The following TMTC1 variants were observed in gnomAD, a reference collection of about 807,000 sequenced individuals.
TMTC1 encodes transmembrane O-mannosyltransferase targeting cadherins 1.
Under a neutral mutation model 104.8 loss-of-function variants are expected in TMTC1, and 73 were observed. The ratio of observed to expected loss-of-function variants is 0.70; its 90% CI spans 0.58 to 0.85. The LOEUF (loss-of-function observed/expected upper bound fraction) is 0.85, where lower values mean the gene tolerates loss of function less well. Among genes scored for constraint, TMTC1 ranks in the 40% least tolerant of loss-of-function variants. The pLI is 0.00. For synonymous variants in TMTC1, 434 were observed against 428.7 expected (o/e 1.01, Z -0.15); for missense variants, 1,035 against 1,096.1 (o/e 0.94, Z 0.79).
chr12:29,631,198 T>TG (rs1938279618), intron 6 of TMTC1, among the ~76,000 whole-genome samples: 1 of 152,214 alleles, frequency 6.6e-6, no homozygotes, highest in Admixed American at 6.5e-5. Context: ...TCCCAATTTG[T>TG]GGCTTGCCTC....
intron 17 of TMTC1, among the ~76,000 whole-genome samples, chr12:29,508,174 G>C (rs1317208122): frequency 2.0e-5 from 3 of 152,186 alleles, no homozygotes; most frequent in Non-Finnish European, 4.4e-5. Flanking sequence ...GGAAATGACA[G>C]CACAAGAAAT....
intron 5 of TMTC1, among the ~76,000 whole-genome samples, chr12:29,750,200 C>T (rs1175879201): frequency 1.3e-5 from 2 of 152,060 alleles, no homozygotes; most frequent in African/African-American, 2.4e-5. Context: ...CTCACCCCTT[C>T]TCCTCCCAAT....
intron 8 of TMTC1, among the ~76,000 whole-genome samples, chr12:29,574,563 G>C (rs1945769416): frequency 6.6e-6 from 1 of 152,208 alleles, no homozygotes; most frequent in South Asian, 2.1e-4. Flanking sequence ...GAGGCTAGAA[G>C]TTCAAGATCA....
At chr12:29,529,665 C>G (rs1944445071) in intron 11 of TMTC1, among the ~76,000 whole-genome samples, 1 of 152,166 alleles carries the variant, frequency 6.6e-6, no homozygotes, top group African/African-American at 2.4e-5. Context: ...TTTTCTCACC[C>G]TCTTCTTTGC....
Position 29,506,505 on chromosome 12 carries a change from C to CA in TMTC1, c.*340dup, listed in dbSNP as rs1297694226. Reference sequence around the variant, plus strand: ...ATTTCAAGCTTCTGTATTTCTGGGACAAAAAATGTCTAAACAGAATTAGAT... The same window carrying CA: ...ATTTCAAGCTTCTGTATTTCTGGGACAAAAAAATGTCTAAACAGAATTAGAT... On this transcript the variant is annotated 3_prime_UTR_variant, in exon 18 of 18. Coordinates refer to ENST00000539277, the MANE Select transcript of TMTC1 (RefSeq NM_001193451.2). 5.1e-6 allele frequency: 1 copy of CA among 196,922 alleles called. No homozygotes were observed. The highest frequency in any genetic ancestry group is 1.3e-4 in the South Asian group (1 of 7,832). The allele number at this position is 196,922 out of a possible 1,614,324, so 12.2% of individuals were successfully genotyped here. A position where few individuals can be genotyped will look rare whatever the true frequency, so the allele number is the denominator to read the frequency against.
At chr12:29,751,963 C>T in intron 4 of TMTC1, 91 bp from the exon 5 acceptor site, 1 of 1,257,778 alleles carries the variant, frequency 8.0e-7, no homozygotes, top group Non-Finnish European at 1.1e-6. Flanking sequence ...ACCCACAAGT[C>T]TTGCTTCCTG....
intron 5 of TMTC1, among the ~76,000 whole-genome samples, chr12:29,672,147 T>G (rs999316034): frequency 1.3e-5 from 2 of 152,184 alleles, no homozygotes; most frequent in Non-Finnish European, 2.9e-5. Context: ...TCCATCTCCC[T>G]TGGCTCAGCC....
At chr12:29,523,440 G>C (rs1735107115) in intron 11 of TMTC1, among the ~76,000 whole-genome samples, 1 of 152,172 alleles carries the variant, frequency 6.6e-6, no homozygotes, top group South Asian at 2.1e-4. Flanking sequence ...TTGATTGGCT[G>C]ATTGGTAGGA....
At position 29,583,513 on chromosome 12, in the gene TMTC1, A is replaced by T. The variant is rs751333498; in HGVS notation, c.1312T>A (p.Cys438Ser). ...LSKLCTWLNRCGATTLIVSTV... is the reference protein window; with the variant it reads ...LSKLCTWLNRSGATTLIVSTV... ...GACACAATCAGGGTGGTGGCCCCAC[A>T]TCGATTCAGCCAAGTGCAGAGCTTG... Residue 438 changes from cysteine (C) to serine (S), a missense_variant, in exon 8 of 18, where the codon TGT (cysteine) becomes AGT (serine). Transcript: ENST00000539277. The T allele has an allele frequency of 3.1e-6, 5 of 1,613,872 alleles. No homozygotes were observed. The South Asian group carries it at 5.5e-5, about 18-fold the overall frequency.
At chr12:29,542,762 G>A (rs2136220164) in intron 10 of TMTC1, among the ~76,000 whole-genome samples, 1 of 152,170 alleles carries the variant, frequency 6.6e-6, no homozygotes. Context: ...AAAGAGAAAG[G>A]TGGCACTGGC....
intron 5 of TMTC1, among the ~76,000 whole-genome samples, chr12:29,728,737 G>A (rs1345427512): frequency 2.0e-5 from 3 of 151,848 alleles, no homozygotes; most frequent in East Asian, 3.9e-4. Context: ...AGTGGCTTAC[G>A]CCTGTAATCT....
chr12:29,716,405 C>A (rs1287410685), intron 5 of TMTC1, among the ~76,000 whole-genome samples: 1 of 152,096 alleles, frequency 6.6e-6, no homozygotes, highest in Non-Finnish European at 1.5e-5. Flanking sequence ...GATTTGAAAC[C>A]ATTTACTCAG....
chr12:29,535,053 AG>A (rs1226783426), intron 11 of TMTC1: 1 of 152,240 alleles, frequency 6.6e-6, no homozygotes, highest in African/African-American at 2.4e-5. Context: ...AAAGGCTGTG[AG>A]AGAGAAGCAC....
intron 5 of TMTC1, among the ~76,000 whole-genome samples, chr12:29,672,284 G>C (rs1940547980): frequency 1.3e-5 from 2 of 152,166 alleles, no homozygotes; most frequent in Non-Finnish European, 2.9e-5. Context: ...TGTTTCCACA[G>C]CCCCCTGCCA....
intron 8 of TMTC1, among the ~76,000 whole-genome samples, chr12:29,580,176 G>A (rs957550567): frequency 9.2e-5 from 14 of 151,986 alleles, no homozygotes; most frequent in Admixed American, 7.2e-4. Flanking sequence ...AATATTAACC[G>A]GGTGTGGTGG....
At chr12:29,532,087 AC>A (rs1944520873) in intron 11 of TMTC1, among the ~76,000 whole-genome samples, 1 of 152,130 alleles carries the variant, frequency 6.6e-6, no homozygotes, top group Non-Finnish European at 1.5e-5. Flanking sequence ...TTTTTCCTAC[AC>A]TATTCTTCAT....
At chr12:29,778,205 A>G (rs1179398511) in intron 1 of TMTC1, among the ~76,000 whole-genome samples, 1 of 152,218 alleles carries the variant, frequency 6.6e-6, no homozygotes, top group Admixed American at 6.5e-5. Context: ...CTAATAGGCT[A>G]AACACACAGA....
chr12:29,724,363 T>C (rs1942323389), intron 5 of TMTC1, among the ~76,000 whole-genome samples: 1 of 152,156 alleles, frequency 6.6e-6, no homozygotes, highest in Non-Finnish European at 1.5e-5. Flanking sequence ...ATGATGAAGA[T>C]ACACATGCCC....
intron 7 of TMTC1, among the ~76,000 whole-genome samples, chr12:29,598,428 T>C (rs1036438189): frequency 2.6e-5 from 4 of 152,226 alleles, no homozygotes; most frequent in Non-Finnish European, 5.9e-5. Context: ...AGAGGTATGA[T>C]TTCAAGACAG....
Sources: allele counts gnomAD v4.1 joint callset (sites outside exome capture counted in the v4.1 genomes callset), GRCh38; gene constraint gnomAD v4.1.1; transcripts MANE v1.5; gene names NCBI Gene and HGNC (gene_info 2026-07-23, HGNC 2026-07-21).